The following DOCK2 variants were observed in gnomAD, a reference collection of about 807,000 sequenced individuals.
The protein encoded by DOCK2 is dedicator of cytokinesis protein 2.
DOCK2 carries 87 observed loss-of-function variants against 248.9 expected under a neutral mutation model. That is an observed-to-expected ratio of 0.35 (90% CI 0.29 to 0.42). DOCK2 has a LOEUF of 0.42. DOCK2 is among the 10% of genes least tolerant of loss of function. The probability of loss-of-function intolerance (pLI) is 1.00; values close to 1 mark genes in which losing one functional copy is unlikely to be tolerated. For synonymous variants in DOCK2, 805 were observed against 821.6 expected, an observed-to-expected ratio of 0.98 and a Z score of 0.35; for missense variants, 1,747 against 2,300.2, an observed-to-expected ratio of 0.76 and a Z score of 4.92.
intron 32 of DOCK2, among the ~76,000 whole-genome samples, chr5:170,010,269 C>T (rs1755235227): frequency 6.6e-6 from 1 of 152,156 alleles, no homozygotes; most frequent in Non-Finnish European, 1.5e-5. Context: ...AAGGGGGTGC[C>T]ACCTCTACCC....
chr5:169,859,948 G>A (rs1183907933), intron 27 of DOCK2, among the ~76,000 whole-genome samples: 1 of 148,470 alleles, frequency 6.7e-6, no homozygotes, highest in African/African-American at 2.5e-5. Flanking sequence ...GTGGTTTCTG[G>A]TGGATCCTTC....
At chr5:169,771,600 T>G (rs1366778941) in intron 25 of DOCK2, among the ~76,000 whole-genome samples, 1 of 152,136 alleles carries the variant, frequency 6.6e-6, no homozygotes, top group Non-Finnish European at 1.5e-5. Flanking sequence ...TCTGTCAGAT[T>G]GGTTGTATTT....
intron 27 of DOCK2, among the ~76,000 whole-genome samples, chr5:169,961,978 C>CTAAAAAAAAAAAAAA (rs1777104664): frequency 1.3e-5 from 1 of 74,654 alleles, no homozygotes; most frequent in Non-Finnish European, 2.4e-5. Flanking sequence ...GACTCTGTCC[C>CTAAAAAAAAAAAAAA]AAAAAAAAAA....
At chr5:169,712,843 A>G (rs1761660118) in intron 17 of DOCK2, among the ~76,000 whole-genome samples, 1 of 152,216 alleles carries the variant, frequency 6.6e-6, no homozygotes, top group South Asian at 2.1e-4. Flanking sequence ...TGAGACATGG[A>G]GGAGCATTTG....
chr5:169,795,656 A>G (rs1364170778), intron 25 of DOCK2, among the ~76,000 whole-genome samples: 1 of 152,226 alleles, frequency 6.6e-6, no homozygotes, highest in Non-Finnish European at 1.5e-5. Context: ...GGTTGTGAGA[A>G]CAAATTGCTA....
intron 27 of DOCK2, among the ~76,000 whole-genome samples, chr5:169,871,653 A>G (rs1771981689): frequency 1.3e-5 from 2 of 152,194 alleles, no homozygotes; most frequent in Non-Finnish European, 2.9e-5. Context: ...GACTGAAATA[A>G]CATAGTAATC....
chr5:169,653,972 C>G (rs1184518317), intron 1 of DOCK2, among the ~76,000 whole-genome samples: 2 of 152,350 alleles, frequency 1.3e-5, no homozygotes, highest in East Asian at 3.9e-4. Flanking sequence ...CCACAGCTGC[C>G]TGGCTCTCCT....
Position 170,080,710 on chromosome 5 carries a change from T to C in DOCK2, c.5287+427T>C, listed in dbSNP as rs576010181. 1.2e-4 allele frequency: 21 copies of C among 182,026 alleles called. No homozygotes were observed. In the South Asian group the frequency reaches 2.7e-3, roughly 23 times the overall value. The allele number at this position is 182,026 out of a possible 1,614,324, so 11.3% of individuals were successfully genotyped here. Reference sequence around the variant, plus strand: ...CCACATCTTATAGCTGCAAAGTGTTTGGTGCATAGATGCTACCTATCTGCC... The same window carrying C: ...CCACATCTTATAGCTGCAAAGTGTTCGGTGCATAGATGCTACCTATCTGCC... On this transcript the variant is annotated intron_variant, in intron 50 of 51. Transcript: ENST00000520908.
At chr5:170,063,556 C>A (rs571557735) in intron 44 of DOCK2, among the ~76,000 whole-genome samples, 1 of 152,308 alleles carries the variant, frequency 6.6e-6, no homozygotes, top group Non-Finnish European at 1.5e-5. Context: ...GGCAAACAAA[C>A]AATAGCTCTC....
At chr5:169,989,623 G>T (rs1463346005) in intron 29 of DOCK2, among the ~76,000 whole-genome samples, 1 of 152,178 alleles carries the variant, frequency 6.6e-6, no homozygotes, top group Non-Finnish European at 1.5e-5. Context: ...TTGGAGCCCA[G>T]ACAGAGACCA....
rs1208438060 is a variant in DOCK2, at chr5:170,041,142, C to G, written c.3753C>G (p.Leu1251=). The G allele has an allele frequency of 1.2e-6, 2 of 1,613,652 alleles. No homozygotes were observed. The highest frequency in any genetic ancestry group is 1.7e-6 in the Non-Finnish European group (2 of 1,179,566). Residue 1251 remains leucine, a synonymous_variant, in exon 37 of 52, where the codon CTC becomes CTG. Coordinates refer to ENST00000520908, the MANE Select transcript of DOCK2 (RefSeq NM_004946.3). ...AYTLLLHTWL[L]KWSDEQCASQ... is the part of the protein sequence containing the mutation. ...CGCTCCTTCTCCACACCTGGCTTCT[C>G]AAGGTACAGTCACTTTGGGTGAAGG...
At chr5:169,850,277 C>A (rs566729649) in intron 27 of DOCK2, among the ~76,000 whole-genome samples, 1 of 152,162 alleles carries the variant, frequency 6.6e-6, no homozygotes, top group East Asian at 1.9e-4. Context: ...AGAGCTTGAA[C>A]GCCTTCCCAG....
At chr5:169,649,607 G>C (rs576717592) in intron 1 of DOCK2, among the ~76,000 whole-genome samples, 1 of 152,214 alleles carries the variant, frequency 6.6e-6, no homozygotes, top group African/African-American at 2.4e-5. Context: ...ATGTGTAATA[G>C]AGTGTGATGC....
At chr5:169,832,068 G>A (rs1017877834) in intron 26 of DOCK2, among the ~76,000 whole-genome samples, 1 of 152,178 alleles carries the variant, frequency 6.6e-6, no homozygotes, top group Non-Finnish European at 1.5e-5. Context: ...ATGAGCTTAG[G>A]TTCAGGTTGG....
intron 26 of DOCK2, among the ~76,000 whole-genome samples, chr5:169,810,981 TCTCTCTCTCACACACA>T (rs1446627695): frequency 2.5e-4 from 36 of 142,132 alleles, no homozygotes; most frequent in Non-Finnish European, 4.5e-4. Flanking sequence ...ACTCTCTCTC[TCTCTCTCTCACACACA>T]CACACACACA....
intron 30 of DOCK2, among the ~76,000 whole-genome samples, 171 bp downstream of exon 30, chr5:169,996,335 G>A (rs1361725327): frequency 2.6e-5 from 4 of 152,094 alleles, no homozygotes; most frequent in African/African-American, 7.2e-5. Context: ...TTTCAACCAG[G>A]GCCTTGATTA....
At chr5:170,073,128 T>C (rs1358090553) in intron 46 of DOCK2, among the ~76,000 whole-genome samples, 2 of 152,222 alleles carry the variant, frequency 1.3e-5, no homozygotes, top group Non-Finnish European at 2.9e-5. Context: ...TGAGTTTTTA[T>C]TGTTTTGTCT....
chr5:169,691,399 A>G (rs1760292177), intron 9 of DOCK2, among the ~76,000 whole-genome samples: 2 of 152,296 alleles, frequency 1.3e-5, no homozygotes, highest in South Asian at 2.1e-4. Flanking sequence ...TGGTGCTCTC[A>G]CTTCTTATAT....
chr5:169,903,035 T>C (rs943647809), intron 27 of DOCK2, among the ~76,000 whole-genome samples: 6 of 149,858 alleles, frequency 4.0e-5, no homozygotes, highest in Middle Eastern at 3.2e-3. Flanking sequence ...GAGGTGGAGG[T>C]TGCAGTGAGC....
Sources: gnomAD v4.1 joint callset for allele counts (sites outside exome capture counted in the v4.1 genomes callset) on GRCh38, gnomAD v4.1.1 for gene constraint, MANE v1.5 for transcripts, NCBI Gene and HGNC (gene_info 2026-07-23, HGNC 2026-07-21) for gene names.